SPTBN1: variants seen among roughly 807,000 people sequenced by gnomAD.
SPTBN1 encodes spectrin beta chain, non-erythrocytic 1.
SPTBN1 carries 32 observed loss-of-function variants against 266.4 expected under a neutral mutation model. That is an observed-to-expected ratio of 0.12 (90% CI 0.09 to 0.16). SPTBN1 has a LOEUF of 0.16. SPTBN1 is among the 10% of genes least tolerant of loss of function. The pLI, the probability that SPTBN1 is intolerant of heterozygous loss-of-function variation, is 1.00. For missense variants in SPTBN1, 2,296 were observed against 3,067.1 expected (o/e 0.75, Z 5.94); for synonymous variants, 1,336 against 1,162.2 (o/e 1.15, Z -3.04).
At chr2:54,461,520 A>G (rs1446279162) in intron 1 of SPTBN1, among the ~76,000 whole-genome samples, 1 of 152,242 alleles carries the variant, frequency 6.6e-6, no homozygotes, top group African/African-American at 2.4e-5. Flanking sequence ...TTAGTAGAGA[A>G]TGTAGAACTG....
At chr2:54,621,329 A>C in intron 7 of SPTBN1, 71 bp from the exon 8 acceptor site, 1 of 1,150,434 alleles carries the variant, frequency 8.7e-7, no homozygotes, top group South Asian at 1.3e-5. Flanking sequence ...CAGTCGTTGC[A>C]TTTGTTCCTG....
intron 9 of SPTBN1, 117 bp downstream of exon 9, chr2:54,622,604 G>C: frequency 1.7e-6 from 2 of 1,167,914 alleles, no homozygotes; most frequent in Non-Finnish European, 2.5e-6. Context: ...TTTCAGTAGT[G>C]TGTCCTACTC....
chr2:54,596,816 C>G (rs1676125004), intron 2 of SPTBN1, among the ~76,000 whole-genome samples: 1 of 152,184 alleles, frequency 6.6e-6, no homozygotes, highest in African/African-American at 2.4e-5. Flanking sequence ...CACCCATGAC[C>G]TCTCCATTTG....
chr2:54,658,632 G>A (rs1304313507), intron 30 of SPTBN1, among the ~76,000 whole-genome samples: 1 of 152,210 alleles, frequency 6.6e-6, no homozygotes, highest in Non-Finnish European at 1.5e-5. Context: ...ATACATTTGT[G>A]TTAAAACAGA....
At chr2:54,504,315 A>G (rs1669438232) in intron 1 of SPTBN1, among the ~76,000 whole-genome samples, 1 of 152,196 alleles carries the variant, frequency 6.6e-6, no homozygotes, top group Admixed American at 6.5e-5. Context: ...CTATTTAGCT[A>G]GTAGGAATAT....
intron 1 of SPTBN1, among the ~76,000 whole-genome samples, chr2:54,521,668 C>T (rs938127212): frequency 2.0e-5 from 3 of 151,980 alleles, no homozygotes; most frequent in African/African-American, 4.8e-5. Flanking sequence ...CACGTGCCAC[C>T]GTGCCCGGCT....
At chr2:54,612,470 A>G in intron 4 of SPTBN1, 136 bp downstream of exon 4, 2 of 1,017,288 alleles carry the variant, frequency 2.0e-6, no homozygotes, top group Non-Finnish European at 2.8e-6. Context: ...CATGTGTGTC[A>G]TATCCAGCCC....
rs768287107 is a variant in SPTBN1 at position 54,612,148 on chromosome 2, C to T, written c.301-13C>T. 1 of 1,578,270 alleles carries T rather than the reference C, an allele frequency of 6.3e-7. No individual in the cohort carries two copies. The highest frequency in any genetic ancestry group is 8.6e-7 in the Non-Finnish European group (1 of 1,158,082). On this transcript the variant is annotated splice_polypyrimidine_tract_variant and intron_variant, in intron 3 of 35. Coordinates refer to ENST00000356805, the MANE Select transcript of SPTBN1 (RefSeq NM_003128.3). ...TGGGTGATGTGTCTCTACCTCTGCT[C>T]TCCTGTTTCTAGCCTAAACCCACCA...
At chr2:54,551,262 G>A (rs1278719836) in intron 2 of SPTBN1, among the ~76,000 whole-genome samples, 10 of 152,204 alleles carry the variant, frequency 6.6e-5, no homozygotes, top group Admixed American at 6.5e-4. Flanking sequence ...GCAGAACCAA[G>A]AACTCTGGGC....
chr2:54,623,388 G>T, intron 9 of SPTBN1, 91 bp from the exon 10 acceptor site: 1 of 1,136,252 alleles, frequency 8.8e-7, no homozygotes, highest in Admixed American at 1.8e-5. Flanking sequence ...TTTCATGTAA[G>T]TCAGACCAGA....
chr2:54,531,730 A>G (rs1671252573), intron 2 of SPTBN1, among the ~76,000 whole-genome samples: 2 of 151,738 alleles, frequency 1.3e-5, no homozygotes, highest in South Asian at 4.2e-4. Context: ...ATTTTCCTTA[A>G]ACTCTGCTGC....
intron 1 of SPTBN1, among the ~76,000 whole-genome samples, chr2:54,514,192 G>A (rs940821445): frequency 1.4e-4 from 21 of 152,084 alleles, no homozygotes; most frequent in African/African-American, 4.6e-4. Context: ...GTCTCATACC[G>A]TTTTTTGTTA....
Position 54,649,960 on chromosome 2 carries a change from G to T in SPTBN1, c.5548G>T (p.Glu1850Ter). 6.2e-7 allele frequency: 1 copy of T among 1,612,008 alleles called. No individual in the cohort carries two copies. Among genetic ancestry groups the T allele is most frequent in the South Asian group, 1.1e-5 (1 of 91,004 alleles). Residue 1850 changes from glutamate (E) to a stop codon, truncating the protein, a stop_gained, in exon 26 of 36, where the codon GAG becomes TAG. Coordinates refer to ENST00000356805, the MANE Select transcript of SPTBN1 (RefSeq NM_003128.3). LOFTEE classifies it high-confidence loss of function. The surrounding 1 kb of genome is among the most constrained non-coding windows in gnomAD (Gnocchi z 6.7). ...CTTACAGAGAATGCACACTACATTT[G>T]AGCATGACATCCAGGCTCTGGGCAC... ...ETLQRMHTTF[E>*]HDIQALGTQV...
chr2:54,522,093 G>T (rs1162602161), intron 1 of SPTBN1, among the ~76,000 whole-genome samples: 2 of 149,596 alleles, frequency 1.3e-5, no homozygotes, highest in Non-Finnish European at 3.0e-5. Flanking sequence ...TGGAGATGGG[G>T]GTGTCACTGT....
At chr2:54,583,326 A>G (rs1362658128) in intron 2 of SPTBN1, among the ~76,000 whole-genome samples, 1 of 152,094 alleles carries the variant, frequency 6.6e-6, no homozygotes, top group African/African-American at 2.4e-5. Context: ...TTCTGCGTCT[A>G]TCCTTATTTC....
chr2:54,617,970 C>T (rs1340143378), intron 6 of SPTBN1, 108 bp from the exon 7 acceptor site: 3 of 852,340 alleles, frequency 3.5e-6, no homozygotes, highest in Non-Finnish European at 5.6e-6. Context: ...TAGAGTTTTA[C>T]TCCACTAATT....
At chr2:54,663,558 A>G (rs1171340675) in intron 32 of SPTBN1, 1 of 152,228 alleles carries the variant, frequency 6.6e-6, no homozygotes, top group East Asian at 1.9e-4. Flanking sequence ...ACGCTCCCGA[A>G]GACGTCTCCA....
intron 2 of SPTBN1, among the ~76,000 whole-genome samples, chr2:54,537,677 A>C (rs1305231975): frequency 2.0e-5 from 3 of 152,246 alleles, no homozygotes; most frequent in African/African-American, 7.2e-5. Context: ...CTAGGACAAC[A>C]GAAATTAAGG....
rs754639739 is a variant in SPTBN1, at chr2:54,649,231, G to A, written c.5202+41G>A. On this transcript the variant is annotated intron_variant, in intron 25 of 35. Coordinates refer to ENST00000356805, the MANE Select transcript of SPTBN1 (RefSeq NM_003128.3). This position sits in a 1 kb window ranked among gnomAD's most constrained non-coding sequence, Gnocchi z 6.7. ...AGTGCATGAGTTGGTTGTGCAGTAAGCGATGGTGTGGAAGGCCATTTGCAT... is the reference window on the plus strand; with the variant it reads ...AGTGCATGAGTTGGTTGTGCAGTAAACGATGGTGTGGAAGGCCATTTGCAT... 31 of 1,556,430 alleles carry A rather than the reference G, an allele frequency of 2.0e-5. No homozygotes were observed. Among genetic ancestry groups the A allele is most frequent in the Non-Finnish European group, 2.7e-5 (31 of 1,143,928 alleles).
Sources: allele counts gnomAD v4.1 joint callset (sites outside exome capture counted in the v4.1 genomes callset), GRCh38; gene constraint gnomAD v4.1.1; non-coding constraint Gnocchi (gnomAD v3.1); transcripts MANE v1.5; gene names NCBI Gene and HGNC (gene_info 2026-07-23, HGNC 2026-07-21).